Variants in NUBPL observed in about 807,000 individuals in gnomAD.
NUBPL encodes the protein iron-sulfur cluster transfer protein NUBPL.
Under a neutral mutation model 45.7 loss-of-function variants are expected in NUBPL, and 31 were observed. The observed-to-expected ratio is 0.68, with a 90% CI of 0.51 to 0.92. The LOEUF is 0.92. Ranked by LOEUF, NUBPL falls within the 40% of genes least tolerant of loss-of-function variation. The probability of loss-of-function intolerance (pLI) is 0.00; values close to 1 mark genes in which losing one functional copy is unlikely to be tolerated. For missense variants in NUBPL, 401 were observed against 398.7 expected, an observed-to-expected ratio of 1.01 and a Z score of -0.05; for synonymous variants, 144 against 140.9, an observed-to-expected ratio of 1.02 and a Z score of -0.15.
intron 7 of NUBPL, among the ~76,000 whole-genome samples, chr14:31,804,917 A>G (rs931326225): frequency 1.4e-4 from 21 of 152,224 alleles, no homozygotes; most frequent in Admixed American, 2.6e-4. Flanking sequence ...TCACAACAAA[A>G]GCAAAAATTG....
intron 4 of NUBPL, among the ~76,000 whole-genome samples, chr14:31,644,485 C>G (rs2035791000): frequency 6.6e-6 from 1 of 152,038 alleles, no homozygotes; most frequent in Admixed American, 6.5e-5. Context: ...TTAGTAGTTT[C>G]TAGTTTTATT....
chr14:31,592,737 T>C (rs573401271), intron 3 of NUBPL, among the ~76,000 whole-genome samples: 1 of 152,328 alleles, frequency 6.6e-6, no homozygotes, highest in Middle Eastern at 3.4e-3. Context: ...TCCTGTATTA[T>C]CTATATTTCT....
chr14:31,735,048 A>G (rs1478107277), intron 6 of NUBPL, among the ~76,000 whole-genome samples: 3 of 151,968 alleles, frequency 2.0e-5, no homozygotes, highest in Non-Finnish European at 4.4e-5. Flanking sequence ...CCTGTGTACT[A>G]GAAGGTGTTT....
chr14:31,843,915 A>G (rs2040414088), intron 8 of NUBPL: 1 of 152,118 alleles, frequency 6.6e-6, no homozygotes. Context: ...ATTTCCTCCA[A>G]TTACAGTACA....
chr14:31,850,084 T>C (rs2040514142), intron 9 of NUBPL, 35 bp from the exon 10 acceptor site: 4 of 1,537,064 alleles, frequency 2.6e-6, no homozygotes, highest in Middle Eastern at 3.4e-4. Flanking sequence ...TATGAACTTT[T>C]CTGGTTCTAA....
At chr14:31,631,899 T>A (rs962881610) in intron 4 of NUBPL, among the ~76,000 whole-genome samples, 2 of 152,120 alleles carry the variant, frequency 1.3e-5, no homozygotes, top group Non-Finnish European at 2.9e-5. Context: ...ACACCCAGAA[T>A]AATATTTAAC....
intron 7 of NUBPL, among the ~76,000 whole-genome samples, chr14:31,813,397 G>C (rs2039851011): frequency 6.6e-6 from 1 of 151,352 alleles, no homozygotes; most frequent in Non-Finnish European, 1.5e-5. Context: ...CAGCAGATAT[G>C]TATCCAGATT....
chr14:31,660,414 G>A (rs567970030), intron 4 of NUBPL, among the ~76,000 whole-genome samples: 1 of 152,234 alleles, frequency 6.6e-6, no homozygotes, highest in South Asian at 2.1e-4. Context: ...AAAGGACCTT[G>A]GTTTCAGAAA....
intron 4 of NUBPL, chr14:31,662,282 T>G (rs890711713): frequency 1.6e-4 from 18 of 114,258 alleles, no homozygotes; most frequent in African/African-American, 4.5e-4. Context: ...TATTTATATT[T>G]ATTTTATTTT....
intron 3 of NUBPL, among the ~76,000 whole-genome samples, chr14:31,588,108 C>T (rs1047799820): frequency 1.1e-4 from 16 of 152,252 alleles, no homozygotes; most frequent in African/African-American, 3.9e-4. Flanking sequence ...TGTAGTGTTA[C>T]CTGCAGACTC....
chr14:31,756,977 G>T (rs1234915892), intron 6 of NUBPL, among the ~76,000 whole-genome samples: 1 of 150,872 alleles, frequency 6.6e-6, no homozygotes, highest in African/African-American at 2.4e-5. Flanking sequence ...TTTTGTCTTT[G>T]GTTCTGTTTA....
intron 4 of NUBPL, among the ~76,000 whole-genome samples, chr14:31,655,921 T>C (rs889503008): frequency 6.6e-6 from 1 of 152,228 alleles, no homozygotes; most frequent in Non-Finnish European, 1.5e-5. Flanking sequence ...GCATTAACTT[T>C]TTTCCCCTAG....
At chr14:31,656,250 C>G (rs1186907788) in intron 4 of NUBPL, among the ~76,000 whole-genome samples, 1 of 152,166 alleles carries the variant, frequency 6.6e-6, no homozygotes, top group African/African-American at 2.4e-5. Flanking sequence ...GTTTGATCTT[C>G]TATCCAGACC....
At chr14:31,563,759 C>T (rs2033362527) in intron 2 of NUBPL, among the ~76,000 whole-genome samples, 1 of 152,196 alleles carries the variant, frequency 6.6e-6, no homozygotes, top group Non-Finnish European at 1.5e-5. Flanking sequence ...AAGAACCTAA[C>T]TCTAAAATGA....
rs568602563 is a variant in NUBPL at position 31,668,341 on chromosome 14, G to A, written c.383-5014G>A. Among the ~76,000 whole-genome samples the A allele has an allele frequency of 4.6e-5, 7 of 152,278 alleles. No individual in the cohort carries two copies. In the East Asian group the frequency reaches 1.4e-3, roughly 29 times the overall value. On this transcript the variant is annotated intron_variant, in intron 4 of 10. Transcript: ENST00000281081. ...GGTTTCACCCAGTCTGAACTTCCTG[G>A]TGGCTTCCTTAATACGGTGAGGGGA...
At chr14:31,593,767 AAGTG>A (rs2034210971) in intron 3 of NUBPL, among the ~76,000 whole-genome samples, 1 of 152,142 alleles carries the variant, frequency 6.6e-6, no homozygotes, top group South Asian at 2.1e-4. Flanking sequence ...GACTTAAAGG[AAGTG>A]AGTAAGAGAC....
intron 6 of NUBPL, among the ~76,000 whole-genome samples, chr14:31,727,131 A>T (rs74667333): frequency 0.036 from 5,521 of 152,296 alleles, 130 homozygotes; most frequent in African/African-American, 0.076. Flanking sequence ...AAATAGTGTC[A>T]TTTAAGGAAA....
At chr14:31,669,114 C>A (rs971238696) in intron 4 of NUBPL, among the ~76,000 whole-genome samples, 5 of 152,208 alleles carry the variant, frequency 3.3e-5, no homozygotes, top group Admixed American at 1.3e-4. Flanking sequence ...TCTCGAACTT[C>A]AGCCTCCTGA....
intron 6 of NUBPL, among the ~76,000 whole-genome samples, chr14:31,693,808 A>G (rs2037146100): frequency 6.7e-6 from 1 of 149,828 alleles, no homozygotes; most frequent in Non-Finnish European, 1.5e-5. Context: ...ATTAAAAAAA[A>G]AAAAAAAAAA....
Sources: allele counts gnomAD v4.1 joint callset (sites outside exome capture counted in the v4.1 genomes callset), GRCh38; gene constraint gnomAD v4.1.1; transcripts MANE v1.5; gene names NCBI Gene and HGNC (gene_info 2026-07-23, HGNC 2026-07-21).